Variants in MAF observed in about 807,000 individuals in gnomAD.
MAF encodes the protein transcription factor Maf.
In MAF, 10 loss-of-function variants were observed where a neutral mutation model predicts 22.0. That is an observed-to-expected ratio of 0.45 (90% CI 0.28 to 0.77). The LOEUF is 0.77. Ranked by LOEUF, MAF falls within the 30% of genes least tolerant of loss-of-function variation. The pLI is 0.12. For missense variants in MAF, 544 were observed against 548.4 expected (o/e 0.99, Z 0.08); for synonymous variants, 337 against 255.8 (o/e 1.32, Z -3.03).
At chr16:79,318,556 G>A in the MAF span, among the ~76,000 whole-genome samples, 3 of 152,306 alleles carry the variant, frequency 2.0e-5, no homozygotes, top group Middle Eastern at 6.8e-3. Context: ...ACATTGCTGG[G>A]TGTCATCTAA....
the MAF span, among the ~76,000 whole-genome samples, chr16:79,480,642 T>C: frequency 6.6e-6 from 1 of 152,098 alleles, no homozygotes; most frequent in Non-Finnish European, 1.5e-5. Flanking sequence ...GGGAGAGGTA[T>C]CTCTATCTGA....
At chr16:79,212,173 C>A in the MAF span, 4 of 1,480,842 alleles carry the variant, frequency 2.7e-6, no homozygotes, top group Non-Finnish European at 3.6e-6. Flanking sequence ...ACGGCCACCA[C>A]TGCAGCCGGG....
At chr16:79,496,419 T>G in the MAF span, among the ~76,000 whole-genome samples, 1 of 152,206 alleles carries the variant, frequency 6.6e-6, no homozygotes, top group African/African-American at 2.4e-5. Flanking sequence ...GGCTTAGAAC[T>G]GTCGTACACA....
At chr16:79,450,701 TTGAC>T in the MAF span, among the ~76,000 whole-genome samples, 2 of 152,194 alleles carry the variant, frequency 1.3e-5, no homozygotes, top group African/African-American at 4.8e-5. Context: ...AGTGTGAAAT[TTGAC>T]TGACAACTCG....
chr16:79,434,350 A>G, the MAF span, among the ~76,000 whole-genome samples: 3 of 152,188 alleles, frequency 2.0e-5, no homozygotes, highest in South Asian at 4.1e-4. Flanking sequence ...GAGAGGGGGA[A>G]CCTTAATTTT....
chr16:79,266,551 T>G, the MAF span, among the ~76,000 whole-genome samples: 1 of 152,172 alleles, frequency 6.6e-6, no homozygotes. Flanking sequence ...TGGACTGGGT[T>G]GTCTTTCTGG....
chr16:79,583,936 A>G (rs1912682524), downstream of MAF, among the ~76,000 whole-genome samples: 1 of 152,238 alleles, frequency 6.6e-6, no homozygotes, highest in Non-Finnish European at 1.5e-5. Flanking sequence ...TTGGCGCAGC[A>G]TGCATGTTGG....
At chr16:79,436,994 G>A in the MAF span, among the ~76,000 whole-genome samples, 216 of 152,274 alleles carry the variant, frequency 1.4e-3, no homozygotes, top group Middle Eastern at 0.014. Context: ...CAGAAATCCC[G>A]CACTTTAGAG....
the MAF span, among the ~76,000 whole-genome samples, chr16:79,437,995 G>A: frequency 6.6e-6 from 1 of 152,202 alleles, no homozygotes; most frequent in African/African-American, 2.4e-5. Flanking sequence ...AGGGCACCGG[G>A]AAGCCGGGGC....
At chr16:79,311,302 T>C in the MAF span, among the ~76,000 whole-genome samples, 4 of 152,264 alleles carry the variant, frequency 2.6e-5, no homozygotes, top group East Asian at 7.7e-4. Context: ...TTGCACCTTC[T>C]GGCTCCAGAG....
the MAF span, among the ~76,000 whole-genome samples, chr16:79,243,348 A>T: frequency 6.6e-6 from 1 of 151,978 alleles, no homozygotes; most frequent in African/African-American, 2.4e-5. Context: ...AAGAGAGAAG[A>T]TTCAAATAAT....
chr16:79,598,727 C>T (rs1913752805), intron 1 of MAF, 58 bp downstream of exon 1: 1 of 1,609,984 alleles, frequency 6.2e-7, no homozygotes, highest in Non-Finnish European at 8.5e-7. Flanking sequence ...CACACCCGAG[C>T]CGGACCCCCG....
the MAF span, among the ~76,000 whole-genome samples, chr16:79,509,042 A>G: frequency 6.6e-6 from 1 of 152,218 alleles, no homozygotes; most frequent in Admixed American, 6.5e-5. Context: ...AAAAAATAAT[A>G]ACTATAATTC....
chr16:79,395,157 A>G, the MAF span, among the ~76,000 whole-genome samples: 5 of 152,190 alleles, frequency 3.3e-5, no homozygotes, highest in African/African-American at 1.2e-4. Context: ...AGCGGTGGGC[A>G]CTGGGACACG....
the MAF span, among the ~76,000 whole-genome samples, chr16:79,322,059 C>A: frequency 9.2e-5 from 14 of 152,152 alleles, no homozygotes; most frequent in African/African-American, 3.1e-4. Context: ...CGGCGAAACG[C>A]CATCTCTACT....
the MAF span, among the ~76,000 whole-genome samples, chr16:79,266,090 T>C: frequency 6.6e-6 from 1 of 152,000 alleles, no homozygotes; most frequent in African/African-American, 2.4e-5. Context: ...CCTAGGCTGG[T>C]CTCGAACTCC....
At chr16:79,330,488 C>T in the MAF span, among the ~76,000 whole-genome samples, 1 of 152,150 alleles carries the variant, frequency 6.6e-6, no homozygotes, top group Non-Finnish European at 1.5e-5. Context: ...AATGCTCTGG[C>T]CATGATCATG....
the MAF span, among the ~76,000 whole-genome samples, chr16:79,317,232 C>G: frequency 2.1e-5 from 3 of 142,850 alleles, no homozygotes; most frequent in East Asian, 6.2e-4. Flanking sequence ...TCTCTCCCTC[C>G]CTCCTTTCTC....
chr16:79,362,613 C>T, the MAF span, among the ~76,000 whole-genome samples: 1 of 152,166 alleles, frequency 6.6e-6, no homozygotes, highest in Non-Finnish European at 1.5e-5. Flanking sequence ...GCAGTGAAAA[C>T]GGAATATTCT....
Sources: allele counts gnomAD v4.1 joint callset (sites outside exome capture counted in the v4.1 genomes callset), GRCh38; gene constraint gnomAD v4.1.1; transcripts MANE v1.5; gene names NCBI Gene and HGNC (gene_info 2026-07-23, HGNC 2026-07-21).